The following MAN1A2 variants were observed in gnomAD, a reference collection of about 807,000 sequenced individuals.
MAN1A2 encodes mannosyl-oligosaccharide 1,2-alpha-mannosidase IB.
In MAN1A2, 26 loss-of-function variants were observed where a neutral mutation model predicts 75.7. That is an observed-to-expected ratio of 0.34 (90% CI 0.25 to 0.48). The LOEUF is 0.48. Ranked by LOEUF, MAN1A2 falls within the 20% of genes least tolerant of loss-of-function variation. MAN1A2 has a pLI of 0.99. For synonymous variants in MAN1A2, 247 were observed against 264.6 expected (o/e 0.93, Z 0.65); for missense variants, 562 against 775.5 (o/e 0.72, Z 3.27).
At chr1:117,379,013 A>G (rs929323556) in intron 1 of MAN1A2, among the ~76,000 whole-genome samples, 2 of 152,066 alleles carry the variant, frequency 1.3e-5, no homozygotes, top group Non-Finnish European at 2.9e-5. Flanking sequence ...GTTTTACACA[A>G]GTTTGAAATT....
intron 8 of MAN1A2, among the ~76,000 whole-genome samples, chr1:117,485,419 G>A (rs547472785): frequency 6.6e-6 from 1 of 151,796 alleles, no homozygotes; most frequent in African/African-American, 2.4e-5. Flanking sequence ...TTTATAAATA[G>A]GCATAAACTC....
chr1:117,392,894 T>A (rs1248756276), intron 1 of MAN1A2, among the ~76,000 whole-genome samples: 2 of 152,246 alleles, frequency 1.3e-5, no homozygotes, highest in East Asian at 3.8e-4. Flanking sequence ...GTATAAAAGC[T>A]TGAGGTTCTG....
At chr1:117,492,396 A>T (rs895331073) in intron 8 of MAN1A2, among the ~76,000 whole-genome samples, 1 of 152,144 alleles carries the variant, frequency 6.6e-6, no homozygotes, top group Admixed American at 6.6e-5. Context: ...TTTTAGCAAT[A>T]AAGTATTTTT....
intron 6 of MAN1A2, among the ~76,000 whole-genome samples, chr1:117,458,708 G>A (rs963780485): frequency 3.3e-5 from 5 of 151,520 alleles, no homozygotes; most frequent in Non-Finnish European, 7.4e-5. Flanking sequence ...ATTTTTAGTA[G>A]AAATGGGGTT....
chr1:117,395,654 T>C (rs12123364), intron 1 of MAN1A2, among the ~76,000 whole-genome samples: 14,614 of 152,242 alleles, frequency 0.096, 914 homozygotes, highest in Non-Finnish European at 0.14. Flanking sequence ...GTTAATTAAA[T>C]ATTACACATT....
chr1:117,504,123 C>T (rs1651280548), intron 12 of MAN1A2, among the ~76,000 whole-genome samples: 1 of 151,412 alleles, frequency 6.6e-6, no homozygotes, highest in Admixed American at 6.6e-5. Context: ...CTTATTCTGA[C>T]TTATCCTTTG....
chr1:117,388,951 A>G (rs748682117), intron 1 of MAN1A2, among the ~76,000 whole-genome samples: 25 of 152,194 alleles, frequency 1.6e-4, no homozygotes, highest in Non-Finnish European at 3.2e-4. Context: ...TCTGATATCA[A>G]CATCCTGGTG....
At chr1:117,389,507 G>A (rs1256830600) in intron 1 of MAN1A2, among the ~76,000 whole-genome samples, 1 of 152,136 alleles carries the variant, frequency 6.6e-6, no homozygotes, top group East Asian at 1.9e-4. Flanking sequence ...CTCACCTCCT[G>A]CTTGCCAGCC....
rs143831714 is a variant in MAN1A2, at chr1:117,470,938, G to A, written c.1168+4511G>A. Among the ~76,000 whole-genome samples the A allele has an allele frequency of 7.4e-3, 1,118 of 151,914 alleles. 18 individuals are homozygous for A. The highest frequency in any genetic ancestry group is 0.026 in the African/African-American group (1,071 of 41,514). ...TAGCAATCACAGAAGATAATTACTG[G>A]TAATTACCTTCAGGAAAAGTGCTTG... On this transcript the variant is annotated intron_variant, in intron 8 of 12. Coordinates refer to ENST00000356554, the MANE Select transcript of MAN1A2 (RefSeq NM_006699.5).
At chr1:117,456,117 T>C (rs937187192) in intron 6 of MAN1A2, among the ~76,000 whole-genome samples, 3 of 152,014 alleles carry the variant, frequency 2.0e-5, no homozygotes, top group Non-Finnish European at 4.4e-5. Context: ...CCCGAAGAAA[T>C]TGGATGTATG....
At position 117,420,456 on chromosome 1, in the gene MAN1A2, G is replaced by A. The variant is rs1289945; in HGVS notation, c.775-113G>A. 4,232 of 744,328 alleles carry A rather than the reference G, an allele frequency of 5.7e-3. 134 individuals carry two copies. In the African/African-American group the frequency reaches 0.067, roughly 12 times the overall value. The allele number at this position is 744,328 out of a possible 1,614,324, so 46.1% of individuals were successfully genotyped here. A position where few individuals can be genotyped will look rare whatever the true frequency, so the allele number is the denominator to read the frequency against. ...TGCATGAGAAATGAAGATGCAGAAAGTAGAAAAATATTTTCCACAGGGTGT... is the reference window on the plus strand; with the variant it reads ...TGCATGAGAAATGAAGATGCAGAAAATAGAAAAATATTTTCCACAGGGTGT... On this transcript the variant is annotated intron_variant, in intron 4 of 12. Coordinates refer to ENST00000356554, the MANE Select transcript of MAN1A2 (RefSeq NM_006699.5).
intron 12 of MAN1A2, among the ~76,000 whole-genome samples, chr1:117,518,082 T>G (rs147976887): frequency 2.0e-3 from 303 of 152,110 alleles, no homozygotes; most frequent in Admixed American, 3.3e-3. Flanking sequence ...TATTTGCCAC[T>G]GAAGATTGAT....
Position 117,392,677 on chromosome 1 carries a change from G to A in MAN1A2, c.303-9509G>A, listed in dbSNP as rs529551434. Among the ~76,000 whole-genome samples the A allele has an allele frequency of 2.2e-4, 33 of 148,036 alleles. No homozygotes were observed. In the South Asian group the frequency reaches 4.2e-3, roughly 19 times the overall value. On this transcript the variant is annotated intron_variant, in intron 1 of 12. Coordinates refer to ENST00000356554, the MANE Select transcript of MAN1A2 (RefSeq NM_006699.5). ...GATTTAATCTGAAATTACCATAAAC[G>A]CAAACTGAAATCCTTTGAAAACCCT...
At position 117,524,872 on chromosome 1, in the gene MAN1A2, G is replaced by GT; in HGVS notation, c.*1916dup. On this transcript the variant is annotated 3_prime_UTR_variant, in exon 13 of 13. Coordinates refer to ENST00000356554, the MANE Select transcript of MAN1A2 (RefSeq NM_006699.5). Reference sequence around the variant, plus strand: ...AAATGAGAAAGGTATATATATTACTGTAACTGTAGAAGGGAAAAGGGAAAG... The same window carrying GT: ...AAATGAGAAAGGTATATATATTACTGTTAACTGTAGAAGGGAAAAGGGAAAG... The GT allele has an allele frequency of 3.3e-6, 1 of 307,116 alleles. No homozygotes were observed. The highest frequency in any genetic ancestry group is 6.5e-6 in the Non-Finnish European group (1 of 153,376). The allele number at this position is 307,116 out of a possible 1,614,324, so 19.0% of individuals were successfully genotyped here.
Position 117,524,988 on chromosome 1 carries a change from C to A in MAN1A2, c.*2031C>A. On this transcript the variant is annotated 3_prime_UTR_variant, in exon 13 of 13. Coordinates refer to ENST00000356554, the MANE Select transcript of MAN1A2 (RefSeq NM_006699.5). ...AGAAAAAGTGAAAAACTTGAGTTGG[C>A]AAAGATGCAGAGCAGCAGTGCAGAT... 2.7e-6 allele frequency: 1 copy of A among 371,292 alleles called. No homozygotes were observed. The allele number at this position is 371,292 out of a possible 1,614,324, so 23.0% of individuals were successfully genotyped here. A position where few individuals can be genotyped will look rare whatever the true frequency, so the allele number is the denominator to read the frequency against.
chr1:117,522,183 A>G (rs528358649), intron 12 of MAN1A2, among the ~76,000 whole-genome samples: 1 of 152,026 alleles, frequency 6.6e-6, no homozygotes, highest in African/African-American at 2.4e-5. Context: ...CTTATGGAAA[A>G]AAATGAATGA....
intron 5 of MAN1A2, among the ~76,000 whole-genome samples, chr1:117,433,929 A>G (rs569171924): frequency 1.3e-5 from 2 of 152,284 alleles, no homozygotes; most frequent in South Asian, 2.1e-4. Flanking sequence ...GTTGCTTACT[A>G]CCTTAGTTGC....
intron 7 of MAN1A2, among the ~76,000 whole-genome samples, chr1:117,464,013 G>C (rs1016212623): frequency 6.6e-6 from 1 of 152,096 alleles, no homozygotes; most frequent in Non-Finnish European, 1.5e-5. Context: ...ATAATTTAAC[G>C]TATGGGCCTT....
chr1:117,487,296 G>A (rs114064721), intron 8 of MAN1A2, among the ~76,000 whole-genome samples: 7 of 152,046 alleles, frequency 4.6e-5, no homozygotes, highest in Non-Finnish European at 8.8e-5. Flanking sequence ...GAAAAGAGAA[G>A]TGGCAAGATG....
Sources: gnomAD v4.1 joint callset for allele counts (sites outside exome capture counted in the v4.1 genomes callset) on GRCh38, gnomAD v4.1.1 for gene constraint, MANE v1.5 for transcripts, NCBI Gene and HGNC (gene_info 2026-07-23, HGNC 2026-07-21) for gene names.